The following MAP2 variants were observed in gnomAD, a reference collection of about 807,000 sequenced individuals.
The protein encoded by MAP2 is microtubule-associated protein 2.
In MAP2, 14 loss-of-function variants were observed where a neutral mutation model predicts 137.6. The observed-to-expected ratio is 0.10, with a 90% CI of 0.07 to 0.16. The LOEUF (loss-of-function observed/expected upper bound fraction) is 0.16, where lower values mean the gene tolerates loss of function less well. Among genes scored for constraint, MAP2 ranks in the 10% least tolerant of loss-of-function variants. The pLI, the probability that MAP2 is intolerant of heterozygous loss-of-function variation, is 1.00. For synonymous variants in MAP2, 786 were observed against 782.3 expected (o/e 1.00, Z -0.08); for missense variants, 2,088 against 2,191.5 (o/e 0.95, Z 0.94).
At chr2:209,672,863 C>A (rs914553204) in intron 5 of MAP2, among the ~76,000 whole-genome samples, 1 of 151,802 alleles carries the variant, frequency 6.6e-6, no homozygotes, top group Non-Finnish European at 1.5e-5. Context: ...TAGCATGATA[C>A]CGTTTGGGTT....
intron 3 of MAP2, among the ~76,000 whole-genome samples, chr2:209,582,593 A>G (rs1483678823): frequency 6.6e-6 from 1 of 152,010 alleles, no homozygotes; most frequent in Non-Finnish European, 1.5e-5. Flanking sequence ...AATATGAGAA[A>G]TGATGTCATA....
chr2:209,658,799 G>A (rs1399777227), intron 5 of MAP2, among the ~76,000 whole-genome samples: 1 of 152,156 alleles, frequency 6.6e-6, no homozygotes, highest in South Asian at 2.1e-4. Context: ...GAGCCACTGC[G>A]CCCGGCCGAG....
At chr2:209,707,039 A>G (rs2063652295) in intron 12 of MAP2, among the ~76,000 whole-genome samples, 1 of 152,308 alleles carries the variant, frequency 6.6e-6, no homozygotes, top group East Asian at 1.9e-4. Context: ...TTAAATCTCT[A>G]GAGTTGAAAT....
intron 1 of MAP2, among the ~76,000 whole-genome samples, chr2:209,430,969 A>T (rs1694108708): frequency 1.3e-5 from 2 of 151,946 alleles, no homozygotes; most frequent in Admixed American, 6.5e-5. Context: ...AGATTATTTC[A>T]GAGCACTGAG....
chr2:209,718,383 A>G (rs2068645721), intron 13 of MAP2, among the ~76,000 whole-genome samples: 1 of 152,214 alleles, frequency 6.6e-6, no homozygotes, highest in Non-Finnish European at 1.5e-5. Context: ...AAAAATTTAA[A>G]CAAGAAAAAA....
At chr2:209,721,174 C>T (rs2070702654) in intron 13 of MAP2, among the ~76,000 whole-genome samples, 1 of 152,138 alleles carries the variant, frequency 6.6e-6, no homozygotes, top group African/African-American at 2.4e-5. Flanking sequence ...TGCAAGTTGT[C>T]AAGCTAGAGT....
intron 4 of MAP2, among the ~76,000 whole-genome samples, chr2:209,635,023 G>A (rs2093432329): frequency 6.6e-6 from 1 of 152,134 alleles, no homozygotes; most frequent in Non-Finnish European, 1.5e-5. Flanking sequence ...GAGCCCAGGA[G>A]TTGGAAGAAG....
intron 1 of MAP2, among the ~76,000 whole-genome samples, chr2:209,433,038 G>T (rs1039174084): frequency 2.6e-5 from 4 of 152,000 alleles, no homozygotes; most frequent in Admixed American, 2.6e-4. Context: ...ATAGCCCATG[G>T]TTCATTCACT....
intron 7 of MAP2, among the ~76,000 whole-genome samples, chr2:209,688,391 C>T (rs2057798150): frequency 6.6e-6 from 1 of 152,090 alleles, no homozygotes; most frequent in African/African-American, 2.4e-5. Flanking sequence ...CTTTAAATAG[C>T]ATCTTTAAAT....
chr2:209,511,152 A>T (rs35388880), intron 2 of MAP2, among the ~76,000 whole-genome samples: 8,813 of 152,240 alleles, frequency 0.058, 291 homozygotes, highest in South Asian at 0.092. Flanking sequence ...CTCAAAATTT[A>T]AAAAATACAT....
chr2:209,639,709 C>T (rs565898350), intron 4 of MAP2, among the ~76,000 whole-genome samples: 2 of 152,188 alleles, frequency 1.3e-5, no homozygotes, highest in South Asian at 4.1e-4. Context: ...CATTTCCACA[C>T]TTCCCACTTC....
At chr2:209,647,974 C>A (rs114964353) in intron 4 of MAP2, among the ~76,000 whole-genome samples, 3,625 of 151,752 alleles carry the variant, frequency 0.024, 79 homozygotes, top group Non-Finnish European at 0.034. Flanking sequence ...AATATTTTTT[C>A]TTTTTTTTAA....
chr2:209,710,098 G>T lies in MAP2; in HGVS notation c.4917G>T (p.Pro1639=), dbSNP rs771025128. The T allele has an allele frequency of 3.1e-6, 5 of 1,613,870 alleles. No homozygotes were observed. Among genetic ancestry groups the T allele is most frequent in the Non-Finnish European group, 3.4e-6 (4 of 1,179,978 alleles). The change falls in exon 13 of 16, where the codon CCG becomes CCT. Residue 1639 remains proline (P), a synonymous_variant. Coordinates refer to ENST00000682079, the MANE Select transcript of MAP2 (RefSeq NM_001375505.1). ...PGTPKSAILV[P]SEKKVAIIRT... is the part of the protein sequence containing the mutation. ...CCCCCAAGTCTGCCATCTTGGTGCC[G>T]AGTGAGAAGAAGGTCGCCATCATAC...
intron 1 of MAP2, among the ~76,000 whole-genome samples, chr2:209,451,797 T>C (rs1700381597): frequency 6.6e-6 from 1 of 152,192 alleles, no homozygotes; most frequent in African/African-American, 2.4e-5. Flanking sequence ...CTTTTGAAAT[T>C]CTAAGCTCCA....
chr2:209,446,574 G>C (rs1699111583), intron 1 of MAP2, among the ~76,000 whole-genome samples: 1 of 151,746 alleles, frequency 6.6e-6, no homozygotes, highest in Non-Finnish European at 1.5e-5. Flanking sequence ...GAACTGCCTA[G>C]ACATGAATGA....
intron 3 of MAP2, among the ~76,000 whole-genome samples, chr2:209,609,735 G>T (rs1388508121): frequency 6.6e-6 from 1 of 152,160 alleles, no homozygotes; most frequent in Non-Finnish European, 1.5e-5. Flanking sequence ...CATTTAAGTT[G>T]CTGAGTCATT....
chr2:209,461,876 A>T (rs1171502547), intron 1 of MAP2, among the ~76,000 whole-genome samples: 1 of 152,034 alleles, frequency 6.6e-6, no homozygotes, highest in African/African-American at 2.4e-5. Context: ...ACTCTTACAC[A>T]TGTTATTCCT....
Position 209,694,244 on chromosome 2 carries a change from A to G in MAP2, c.2074A>G (p.Arg692Gly). 6.2e-7 allele frequency: 1 copy of G among 1,614,084 alleles called. No homozygotes were observed. The highest frequency in any genetic ancestry group is 8.5e-7 in the Non-Finnish European group (1 of 1,179,988). Residue 692 changes from arginine to glycine, a missense_variant, in exon 8 of 16, where the codon AGG (arginine) becomes GGG (glycine). This residue lies in a region of MAP2 where 18 missense variants were observed against 41.6 expected (regional missense o/e 0.43). Coordinates refer to ENST00000682079, the MANE Select transcript of MAP2 (RefSeq NM_001375505.1). ...TLSRSLGLGG[R>G]SAIEQRSMSI... The stretch of plus-strand genomic sequence containing the variant: ...TAGCAGGAGTTTAGGACTTGGTGGT[A>G]GGTCTGCAATAGAACAAAGAAGCAT...
At chr2:209,638,483 A>G (rs1425461333) in intron 4 of MAP2, among the ~76,000 whole-genome samples, 1 of 152,152 alleles carries the variant, frequency 6.6e-6, no homozygotes, top group Non-Finnish European at 1.5e-5. Context: ...CCCTAGAAAA[A>G]AAGAAAGAAG....
Sources: allele counts gnomAD v4.1 joint callset (sites outside exome capture counted in the v4.1 genomes callset), GRCh38; gene constraint gnomAD v4.1.1; regional missense constraint gnomAD v4.1.1; transcripts MANE v1.5; gene names NCBI Gene and HGNC (gene_info 2026-07-23, HGNC 2026-07-21).